Variants in TOPBP1 observed in about 807,000 individuals in gnomAD.
TOPBP1 encodes DNA topoisomerase 2-binding protein 1.
In TOPBP1, 28 loss-of-function variants were observed where a neutral mutation model predicts 167.7. The observed-to-expected ratio is 0.17, with a 90% CI of 0.12 to 0.23. The LOEUF (loss-of-function observed/expected upper bound fraction) is 0.23, where lower values mean the gene tolerates loss of function less well. TOPBP1 is among the 10% of genes least tolerant of loss of function. TOPBP1 has a pLI of 1.00. For synonymous variants in TOPBP1, 598 were observed against 611.4 expected (o/e 0.98, Z 0.32); for missense variants, 1,554 against 1,809.6 (o/e 0.86, Z 2.56).
chr3:133,603,075 T>C (rs1259415856), intron 27 of TOPBP1, among the ~76,000 whole-genome samples: 1 of 151,936 alleles, frequency 6.6e-6, no homozygotes, highest in Non-Finnish European at 1.5e-5. Flanking sequence ...TTTGTATTTT[T>C]AGTAGAGACA....
intron 6 of TOPBP1, among the ~76,000 whole-genome samples, chr3:133,654,719 A>G (rs1053691711): frequency 6.6e-6 from 1 of 152,252 alleles, no homozygotes; most frequent in African/African-American, 2.4e-5. Flanking sequence ...CAAACTTAAT[A>G]GCAATTTTAA....
intron 27 of TOPBP1, among the ~76,000 whole-genome samples, chr3:133,602,988 C>T (rs747612993): frequency 6.6e-6 from 1 of 150,928 alleles, no homozygotes; most frequent in African/African-American, 2.4e-5. Context: ...CTCCGCCTCA[C>T]AGGTTCAAGT....
chr3:133,623,239 T>G, intron 18 of TOPBP1, 46 bp from the exon 19 acceptor site: 1 of 1,611,452 alleles, frequency 6.2e-7, no homozygotes, highest in African/African-American at 1.3e-5. Context: ...AGCCACTGTA[T>G]AAGGTTTCAT....
At chr3:133,625,423 T>A (rs1159474853) in intron 16 of TOPBP1, among the ~76,000 whole-genome samples, 3 of 152,230 alleles carry the variant, frequency 2.0e-5, no homozygotes, top group Non-Finnish European at 1.5e-5. Flanking sequence ...CTGAGCTTTT[T>A]AAATAGACAA....
rs866500756 is a variant in TOPBP1, at chr3:133,660,347, C to T, written c.84+697G>A. ...ATGTCTGATTAGTGTCTATGTCCTC[C>T]TGCTAGAATGTAAGCTCTGAAAGAA... On this transcript the variant is annotated intron_variant, in intron 2 of 27. Coordinates refer to ENST00000260810, the MANE Select transcript of TOPBP1 (RefSeq NM_007027.4). Among the ~76,000 whole-genome samples, 6 of 152,250 alleles carry T rather than the reference C, an allele frequency of 3.9e-5. No individual in the cohort carries two copies. In the South Asian group the frequency reaches 1.2e-3, roughly 32 times the overall value.
At chr3:133,630,646 G>A (rs928837862) in intron 14 of TOPBP1, among the ~76,000 whole-genome samples, 24 of 151,836 alleles carry the variant, frequency 1.6e-4, no homozygotes, top group African/African-American at 5.6e-4. Flanking sequence ...TGCCCAGAAC[G>A]GACTGAAGTG....
Position 133,628,350 on chromosome 3 carries a change from T to A in TOPBP1, c.2804+12A>T. The stretch of plus-strand genomic sequence containing the variant: ...GTCATATCACCATGAAACAGAAAGA[T>A]GTGCCAACTACCTGTAATCTGCTCC... On this transcript the variant is annotated intron_variant, in intron 16 of 27. Transcript: ENST00000260810. The A allele has an allele frequency of 6.3e-7, 1 of 1,581,914 alleles. No homozygotes were observed. The highest frequency in any genetic ancestry group is 8.6e-7 in the Non-Finnish European group (1 of 1,161,764).
Position 133,657,915 on chromosome 3 carries a change from T to G in TOPBP1, c.246A>C (p.Gln82His). 1 of 1,578,810 alleles carries G rather than the reference T, an allele frequency of 6.3e-7. No individual in the cohort carries two copies. The highest frequency in any genetic ancestry group is 8.6e-7 in the Non-Finnish European group (1 of 1,168,762). ...GGTGGTGCATACAAAATATGACTAC[T>G]TGAGGACCAACAATTCTGCAGCCAA... ...KKLGCRIVGP[Q>H]VVIFCMHHQR... is the part of the protein sequence containing the mutation. Residue 82 changes from glutamine to histidine, a missense_variant, in exon 4 of 28, where the codon CAA (glutamine) becomes CAC (histidine). Coordinates refer to ENST00000260810, the MANE Select transcript of TOPBP1 (RefSeq NM_007027.4).
Position 133,601,254 on chromosome 3 carries a change from T to C in TOPBP1, c.4565A>G (p.His1522Arg). Residue 1522 changes from histidine (H) to arginine (R), a missense_variant, in exon 28 of 28, where the codon CAC (histidine) becomes CGC (arginine). Around this residue, in one of 3 missense-constraint regions of TOPBP1, gnomAD observed 351 missense variants for 432.9 expected, o/e 0.81. Coordinates refer to ENST00000260810, the MANE Select transcript of TOPBP1 (RefSeq NM_007027.4). Reference sequence around the variant, plus strand: ...GTAACTAAAGGGTAGATGCGATTAGTGTACTCTAGGTCGTTTGATTTTATT... The same window carrying C: ...GTAACTAAAGGGTAGATGCGATTAGCGTACTCTAGGTCGTTTGATTTTATT... ...EKNKIKRPRV[H>R] 6.3e-7 allele frequency: 1 copy of C among 1,599,342 alleles called. No individual in the cohort carries two copies. The highest frequency in any genetic ancestry group is 8.5e-7 in the Non-Finnish European group (1 of 1,176,254).
chr3:133,650,381 G>GT lies in TOPBP1; in HGVS notation c.1090-439_1090-438insA, dbSNP rs201268230. Among the ~76,000 whole-genome samples, 69 of 96,548 alleles carry GT rather than the reference G, an allele frequency of 7.1e-4. 1 individual carries two copies. The highest frequency in any genetic ancestry group is 7.8e-3 in the Middle Eastern group (1 of 128). 63.3% of individuals were successfully genotyped at this position (96,548 alleles called of 152,430 possible). A position where few individuals can be genotyped will look rare whatever the true frequency, so the allele number is the denominator to read the frequency against. ...TGTGTGTGTGGGGGGCGGGGGGAGGGGTTGTTTTTTCCAGCTGCCTATGAT... is the reference window on the plus strand; with the variant it reads ...TGTGTGTGTGGGGGGCGGGGGGAGGGTGTTGTTTTTTCCAGCTGCCTATGAT... On this transcript the variant is annotated intron_variant, in intron 8 of 27. Transcript: ENST00000260810.
chr3:133,600,485 T>G lies in TOPBP1; in HGVS notation c.*765A>C. The G allele has an allele frequency of 6.6e-6, 1 of 151,842 alleles. No homozygotes were observed. Among genetic ancestry groups the G allele is most frequent in the South Asian group, 2.1e-4 (1 of 4,792 alleles). The allele number at this position is 151,842 out of a possible 1,614,324, so 9.4% of individuals were successfully genotyped here. A position where few individuals can be genotyped will look rare whatever the true frequency, so the allele number is the denominator to read the frequency against. On this transcript the variant is annotated 3_prime_UTR_variant, in exon 28 of 28. Coordinates refer to ENST00000260810, the MANE Select transcript of TOPBP1 (RefSeq NM_007027.4). ...AACTCCCGACCTCAGACGATCCGCC[T>G]GCCTCAGCCTCCCAAAGTGCTGGGA... is the stretch of plus-strand genomic sequence containing the variant.
chr3:133,615,023 G>A lies in TOPBP1; in HGVS notation c.3871+1791C>T, dbSNP rs188854084. Among the ~76,000 whole-genome samples the A allele has an allele frequency of 4.1e-5, 6 of 146,940 alleles. No individual in the cohort carries two copies. In the South Asian group the frequency reaches 6.4e-4, roughly 16 times the overall value. ...AAAAATAAAGCTGTGAGCTTCACCC[G>A]CAAAAAAAAGAGAAAGTTTTTCCAA... On this transcript the variant is annotated intron_variant, in intron 23 of 27. Coordinates refer to ENST00000260810, the MANE Select transcript of TOPBP1 (RefSeq NM_007027.4).
intron 8 of TOPBP1, among the ~76,000 whole-genome samples, chr3:133,651,171 C>CTTT (rs1176625452): frequency 8.5e-5 from 7 of 82,116 alleles, no homozygotes; most frequent in Admixed American, 1.8e-4. Flanking sequence ...CCGAATTTCC[C>CTTT]TTTTTTTTTT....
In TOPBP1 at chr3:133,611,085, A is replaced by G. The variant is rs1004006191; in HGVS notation, c.4092T>C (p.Asn1364=). The stretch of plus-strand genomic sequence containing the variant: ...CAAGTGCTAGTCTTCGTTGCTGTAC[A>G]TTGATTCCAGTCAGAACATCAAGTA... The part of the protein sequence containing the change: ...SSILDVLTGI[N]VQQRRLALAA... The change falls in exon 25 of 28, where the codon AAT becomes AAC. Residue 1364 remains asparagine, a synonymous_variant. Coordinates refer to ENST00000260810, the MANE Select transcript of TOPBP1 (RefSeq NM_007027.4). 2 of 1,613,200 alleles carry G rather than the reference A, an allele frequency of 1.2e-6. No individual in the cohort carries two copies. Among genetic ancestry groups the G allele is most frequent in the Non-Finnish European group, 1.7e-6 (2 of 1,179,456 alleles).
rs144265771 is a variant in TOPBP1 at position 133,643,971 on chromosome 3, C to A, written c.1848+49G>T. On this transcript the variant is annotated intron_variant, in intron 11 of 27. Coordinates refer to ENST00000260810, the MANE Select transcript of TOPBP1 (RefSeq NM_007027.4). Reference sequence around the variant, plus strand: ...AAGAAATAAACATTAACCTTCTTGGCATTCAGATATCCTTCGATACTTTAT... The same window carrying A: ...AAGAAATAAACATTAACCTTCTTGGAATTCAGATATCCTTCGATACTTTAT... 7.2e-3 allele frequency: 10,653 copies of A among 1,486,588 alleles called. 45 individuals are homozygous for A. Among genetic ancestry groups the A allele is most frequent in the Middle Eastern group, 0.012 (69 of 5,598 alleles). The allele number at this position is 1,486,588 out of a possible 1,614,324, so 92.1% of individuals were successfully genotyped here.
At chr3:133,606,827 CCATACCT>C (rs2107768303) in intron 27 of TOPBP1, among the ~76,000 whole-genome samples, 1 of 152,084 alleles carries the variant, frequency 6.6e-6, no homozygotes, top group East Asian at 1.9e-4. Flanking sequence ...CAGCCCTAGT[CCATACCT>C]CAGAGCATTA....
intron 16 of TOPBP1, 79 bp downstream of exon 16, chr3:133,628,283 T>C: frequency 7.9e-7 from 1 of 1,273,374 alleles, no homozygotes; most frequent in Non-Finnish European, 1.1e-6. Context: ...AATGTATTCT[T>C]GTAGATGCTC....
chr3:133,661,286 T>C (rs2718805), intron 1 of TOPBP1, among the ~76,000 whole-genome samples, 152 bp from the exon 2 acceptor site: 149,895 of 152,376 alleles, frequency 0.98, 73,735 homozygotes, highest in South Asian at 1. Context: ...TTCTAAGAAA[T>C]CCTGGAACTT....
intron 23 of TOPBP1, among the ~76,000 whole-genome samples, chr3:133,616,552 T>A (rs1202980860): frequency 6.6e-6 from 1 of 152,224 alleles, no homozygotes; most frequent in Non-Finnish European, 1.5e-5. Context: ...GCTTCATTAG[T>A]GAATGAATAG....
Sources: gnomAD v4.1 joint callset for allele counts (sites outside exome capture counted in the v4.1 genomes callset) on GRCh38, gnomAD v4.1.1 for gene constraint, gnomAD v4.1.1 regional missense constraint, MANE v1.5 for transcripts, NCBI Gene and HGNC (gene_info 2026-07-23, HGNC 2026-07-21) for gene names.